The following EIF5B variants were observed in gnomAD, a reference collection of about 807,000 sequenced individuals.
The protein encoded by EIF5B is eukaryotic translation initiation factor 5B.
In EIF5B, 47 loss-of-function variants were observed where a neutral mutation model predicts 147.5. The ratio of observed to expected loss-of-function variants is 0.32; its 90% confidence interval spans 0.25 to 0.41. The LOEUF is 0.41. Among genes scored for constraint, EIF5B ranks in the 10% least tolerant of loss-of-function variants. EIF5B has a pLI of 1.00. For missense variants in EIF5B, 1,064 were observed against 1,413.2 expected, an observed-to-expected ratio of 0.75 and a Z score of 3.96; for synonymous variants, 455 against 456.2, an observed-to-expected ratio of 1.00 and a Z score of 0.03.
chr2:99,347,538 C>T (rs541517092), intron 1 of EIF5B, among the ~76,000 whole-genome samples: 2 of 151,208 alleles, frequency 1.3e-5, no homozygotes, highest in South Asian at 2.1e-4. Context: ...TGAGATTTTG[C>T]ATTTTCAATA....
At chr2:99,357,045 T>C (rs532383632) in intron 1 of EIF5B, among the ~76,000 whole-genome samples, 6 of 152,226 alleles carry the variant, frequency 3.9e-5, no homozygotes, top group Non-Finnish European at 7.3e-5. Context: ...AGTGTTTTCA[T>C]TTTAATACTA....
intron 23 of EIF5B, 171 bp downstream of exon 23, chr2:99,399,080 T>TATCA (rs1261192960): frequency 3.5e-6 from 3 of 867,952 alleles, no homozygotes; most frequent in Admixed American, 2.9e-5. Context: ...GAAGTTGCTC[T>TATCA]ATCAGGAAAG....
At position 99,400,476 on chromosome 2, in the gene EIF5B, A is replaced by C. The variant is rs925415544; in HGVS notation, c.*1062A>C. 3.6e-4 allele frequency: 55 copies of C among 152,332 alleles called. No homozygotes were observed. Among genetic ancestry groups the C allele is most frequent in the African/African-American group, 1.3e-3 (54 of 41,566 alleles). 9.4% of individuals were successfully genotyped at this position (152,332 alleles called of 1,614,324 possible). A position where few individuals can be genotyped will look rare whatever the true frequency, so the allele number is the denominator to read the frequency against. On this transcript the variant is annotated 3_prime_UTR_variant, in exon 24 of 24. Coordinates refer to ENST00000289371, the MANE Select transcript of EIF5B (RefSeq NM_015904.4). ...AAAAGTTCCAAATATCCACTAGCAT[A>C]GAATTTTAAACTATTTTTATTTTAA...
Position 99,337,609 on chromosome 2 carries a change from G to A in EIF5B, c.35+20G>A. On this transcript the variant is annotated intron_variant, in intron 1 of 23. Transcript: ENST00000289371. ...AGACAGGTAGATAGGGGTTGGGTCCGTACGGCGGCGGCCGCCGTGGCTCAG... is the reference window on the plus strand; with the variant it reads ...AGACAGGTAGATAGGGGTTGGGTCCATACGGCGGCGGCCGCCGTGGCTCAG... The A allele has an allele frequency of 6.2e-7, 1 of 1,602,666 alleles. No individual in the cohort carries two copies.
Position 99,394,248 on chromosome 2 carries a change from A to C in EIF5B, c.2881-19A>C. On this transcript the variant is annotated intron_variant, in intron 18 of 23. Coordinates refer to ENST00000289371, the MANE Select transcript of EIF5B (RefSeq NM_015904.4). ...TAGAGGTGTGTTGACAACCTTATCA[A>C]ATCTGATTTCTTTTCAAGGATGAAT... is the stretch of plus-strand genomic sequence containing the variant. 3.8e-6 allele frequency: 6 copies of C among 1,598,212 alleles called. No homozygotes were observed. Among genetic ancestry groups the C allele is most frequent in the Non-Finnish European group, 5.1e-6 (6 of 1,175,232 alleles).
intron 17 of EIF5B, among the ~76,000 whole-genome samples, chr2:99,392,247 G>C (rs1289325032): frequency 6.6e-6 from 1 of 151,904 alleles, no homozygotes; most frequent in African/African-American, 2.4e-5. Context: ...GCTAATTTTT[G>C]TATTTTTAGT....
At chr2:99,338,725 G>A (rs1047574649) in intron 1 of EIF5B, among the ~76,000 whole-genome samples, 5 of 151,972 alleles carry the variant, frequency 3.3e-5, no homozygotes, top group African/African-American at 1.2e-4. Flanking sequence ...AGGATTATGG[G>A]TGATGTAGGG....
At chr2:99,341,516 T>C (rs1256876932) in intron 1 of EIF5B, among the ~76,000 whole-genome samples, 16 of 152,244 alleles carry the variant, frequency 1.1e-4, no homozygotes, top group Admixed American at 1.0e-3. Context: ...TCTAAGTTTA[T>C]TCCAGTATTG....
intron 1 of EIF5B, among the ~76,000 whole-genome samples, chr2:99,353,939 G>A (rs1428270589): frequency 6.6e-6 from 1 of 152,122 alleles, no homozygotes; most frequent in African/African-American, 2.4e-5. Flanking sequence ...CCTATTAAAG[G>A]ACATGTGGGT....
intron 18 of EIF5B, among the ~76,000 whole-genome samples, chr2:99,394,035 A>G (rs931364759): frequency 6.6e-6 from 1 of 152,212 alleles, no homozygotes; most frequent in South Asian, 2.1e-4. Flanking sequence ...GAGATTAAAC[A>G]TATTTCAAAG....
intron 1 of EIF5B, among the ~76,000 whole-genome samples, chr2:99,346,616 T>TTTTA (rs5832871): frequency 7.4e-6 from 1 of 135,380 alleles, no homozygotes; most frequent in East Asian, 2.3e-4. Context: ...TTTTTTTTTT[T>TTTTA]GAGAAGGTGT....
chr2:99,397,039 G>A (rs1489066880), intron 22 of EIF5B, 141 bp downstream of exon 22: 1 of 944,652 alleles, frequency 1.1e-6, no homozygotes, highest in Admixed American at 3.8e-5. Flanking sequence ...CTTAACAAAT[G>A]TTTCAGTGTT....
intron 9 of EIF5B, 33 bp downstream of exon 9, chr2:99,371,763 C>T (rs1422954739): frequency 6.4e-7 from 1 of 1,554,494 alleles, no homozygotes; most frequent in East Asian, 2.3e-5. Context: ...CTGATACATC[C>T]AGTGGTTATT....
chr2:99,351,505 G>A (rs1479992295), intron 1 of EIF5B, among the ~76,000 whole-genome samples: 3 of 152,078 alleles, frequency 2.0e-5, no homozygotes, highest in East Asian at 3.9e-4. Flanking sequence ...TTGCTGGGTC[G>A]TATGGTAAGT....
In EIF5B at chr2:99,400,243, T is replaced by C. The variant is rs1479612578; in HGVS notation, c.*829T>C. 1.3e-5 allele frequency: 2 copies of C among 150,540 alleles called. No individual in the cohort carries two copies. Among genetic ancestry groups the C allele is most frequent in the Non-Finnish European group, 1.5e-5 (1 of 67,976 alleles). 9.3% of individuals were successfully genotyped at this position (150,540 alleles called of 1,614,324 possible). On this transcript the variant is annotated 3_prime_UTR_variant, in exon 24 of 24. Coordinates refer to ENST00000289371, the MANE Select transcript of EIF5B (RefSeq NM_015904.4). ...GATCTGTTTTAATCTTGATCTGTTT[T>C]AGTAGAGATTTTTATACATTAATCT... is the stretch of plus-strand genomic sequence containing the variant.
At chr2:99,379,292 A>T (rs762163372) in intron 11 of EIF5B, 26 bp from the exon 12 acceptor site, 2 of 1,557,086 alleles carry the variant, frequency 1.3e-6, no homozygotes, top group African/African-American at 1.4e-5. Flanking sequence ...TTCAAATACC[A>T]ATCTGTATTT....
intron 8 of EIF5B, among the ~76,000 whole-genome samples, chr2:99,370,208 C>G (rs1418722791): frequency 6.6e-6 from 1 of 151,948 alleles, no homozygotes; most frequent in Non-Finnish European, 1.5e-5. Context: ...TCAACTTACT[C>G]ATTGTGGGGT....
intron 1 of EIF5B, 149 bp from the exon 2 acceptor site, chr2:99,360,087 G>A (rs1417883482): frequency 1.8e-5 from 16 of 870,068 alleles, no homozygotes; most frequent in Admixed American, 3.6e-5. Context: ...ATAAGTAGAT[G>A]TAACTTGTGT....
chr2:99,363,679 G>C lies in EIF5B; in HGVS notation c.954G>C (p.Lys318Asn). 1 of 1,589,458 alleles carries C rather than the reference G, an allele frequency of 6.3e-7. No individual in the cohort carries two copies. The highest frequency in any genetic ancestry group is 8.5e-7 in the Non-Finnish European group (1 of 1,173,648). Residue 318 changes from lysine (K) to asparagine (N), a missense_variant, in exon 5 of 24, where the codon AAG becomes AAC. Coordinates refer to ENST00000289371, the MANE Select transcript of EIF5B (RefSeq NM_015904.4). ...DNEGDKKKKD[K>N]KKKKGEKEEK... Reference sequence around the variant, plus strand: ...AAGGAGACAAAAAGAAGAAAGATAAGAAGAAAAAGAAAGGAGAAAAGGAAG... The same window carrying C: ...AAGGAGACAAAAAGAAGAAAGATAACAAGAAAAAGAAAGGAGAAAAGGAAG...
Sources: allele counts gnomAD v4.1 joint callset (sites outside exome capture counted in the v4.1 genomes callset), GRCh38; gene constraint gnomAD v4.1.1; transcripts MANE v1.5; gene names NCBI Gene and HGNC (gene_info 2026-07-23, HGNC 2026-07-21).